Variants in ANKS1B observed in about 807,000 individuals in gnomAD.
ANKS1B encodes the protein ankyrin repeat and sterile alpha motif domain containing 1B.
Under a neutral mutation model 148.3 loss-of-function variants are expected in ANKS1B, and 36 were observed. That is an observed-to-expected ratio of 0.24 (90% CI 0.19 to 0.32). The LOEUF is 0.32. Among genes scored for constraint, ANKS1B ranks in the 10% least tolerant of loss-of-function variants. ANKS1B has a pLI of 1.00. For missense variants in ANKS1B, 1,157 were observed against 1,542.6 expected (o/e 0.75, Z 4.19); for synonymous variants, 542 against 560.8 (o/e 0.97, Z 0.47).
At chr12:99,033,728 AAC>A (rs1476247093) in intron 17 of ANKS1B, among the ~76,000 whole-genome samples, 2 of 152,092 alleles carry the variant, frequency 1.3e-5, no homozygotes, top group African/African-American at 2.4e-5. Flanking sequence ...TGCGTGTGTG[AAC>A]ACACACACAC....
chr12:99,104,572 C>T (rs916300576), intron 15 of ANKS1B: 14 of 152,164 alleles, frequency 9.2e-5, no homozygotes, highest in African/African-American at 3.4e-4. Context: ...CAGAGCAAGA[C>T]AATGTGAATA....
intron 12 of ANKS1B, among the ~76,000 whole-genome samples, chr12:99,300,137 G>A (rs577053353): frequency 2.6e-5 from 4 of 152,118 alleles, no homozygotes; most frequent in East Asian, 1.9e-4. Context: ...AATTAATTAC[G>A]GGGATGACAA....
chr12:99,681,813 T>C (rs11109993), intron 8 of ANKS1B, among the ~76,000 whole-genome samples: 68,442 of 151,994 alleles, frequency 0.45, 16,184 homozygotes, highest in South Asian at 0.6. Flanking sequence ...CATTAGCTCA[T>C]CAGCAATGGA....
chr12:99,783,190 C>CAAAAAAAAAAAAAAAA (rs766608067), intron 4 of ANKS1B, among the ~76,000 whole-genome samples: 1 of 62,456 alleles, frequency 1.6e-5, no homozygotes. Flanking sequence ...GAATCCATCG[C>CAAAAAAAAAAAAAAAA]AAAAAAAAAA....
At chr12:99,907,256 T>C (rs1246995777) in intron 1 of ANKS1B, among the ~76,000 whole-genome samples, 2 of 152,124 alleles carry the variant, frequency 1.3e-5, no homozygotes, top group Admixed American at 1.3e-4. Flanking sequence ...CCCCCAGGCA[T>C]AAAATTTTCC....
chr12:99,070,106 T>C (rs1177636533), intron 16 of ANKS1B, among the ~76,000 whole-genome samples: 5 of 152,198 alleles, frequency 3.3e-5, no homozygotes, highest in Non-Finnish European at 4.4e-5. Context: ...TCTATTTAAG[T>C]GATTGCTATT....
intron 1 of ANKS1B, among the ~76,000 whole-genome samples, chr12:99,935,893 G>GATAACTGC (rs2094755393): frequency 1.3e-5 from 2 of 151,916 alleles, no homozygotes; most frequent in South Asian, 4.2e-4. Context: ...CCTGACACTG[G>GATAACTGC]ATAATTTATA....
chr12:99,471,844 T>C (rs1392500482), intron 10 of ANKS1B, among the ~76,000 whole-genome samples: 2 of 152,134 alleles, frequency 1.3e-5, no homozygotes, highest in Non-Finnish European at 2.9e-5. Context: ...AAAAAAATCA[T>C]TCTAATAAAA....
chr12:99,356,936 C>CTT (rs11406224), intron 12 of ANKS1B, among the ~76,000 whole-genome samples: 2,414 of 146,042 alleles, frequency 0.017, 40 homozygotes, highest in Middle Eastern at 0.039. Flanking sequence ...TTCTTCTAGA[C>CTT]TTTTTTTTTT....
chr12:99,832,631 C>G (rs941002945), intron 1 of ANKS1B, among the ~76,000 whole-genome samples: 1 of 151,240 alleles, frequency 6.6e-6, no homozygotes, highest in African/African-American at 2.4e-5. Context: ...GGCTGAGGCA[C>G]AAGAATCACT....
At chr12:99,467,922 T>G (rs79684447) in intron 10 of ANKS1B, among the ~76,000 whole-genome samples, 31,309 of 151,744 alleles carry the variant, frequency 0.21, 3,323 homozygotes, top group Middle Eastern at 0.25. Flanking sequence ...TTTCTTCACA[T>G]AATTGGAAAA....
chr12:99,718,638 G>T (rs1206284222), intron 8 of ANKS1B, among the ~76,000 whole-genome samples: 4 of 152,204 alleles, frequency 2.6e-5, no homozygotes, highest in Admixed American at 6.5e-5. Context: ...TTCAGGATCT[G>T]CGCCTTATCA....
Position 99,693,068 on chromosome 12 carries a change from G to A in ANKS1B, c.1129-37858C>T, listed in dbSNP as rs183255205. 1.4e-4 allele frequency among the ~76,000 whole-genome samples: 22 copies of A among 152,256 alleles called. No individual in the cohort carries two copies. The East Asian group carries it at 3.7e-3, about 25-fold the overall frequency. On this transcript the variant is annotated intron_variant, in intron 8 of 26. Transcript: ENST00000683438. ...GGAAAATACAACTGACATATTTGAG[G>A]TACAGCAGAGGAAGAGGAGTTTGCA...
At chr12:99,593,624 C>T (rs1407956911) in intron 9 of ANKS1B, among the ~76,000 whole-genome samples, 1 of 152,036 alleles carries the variant, frequency 6.6e-6, no homozygotes, top group East Asian at 1.9e-4. Context: ...TTAAAACAAT[C>T]GAAGCGATAA....
At chr12:98,920,377 A>C (rs2099799884) in intron 17 of ANKS1B, among the ~76,000 whole-genome samples, 1 of 152,214 alleles carries the variant, frequency 6.6e-6, no homozygotes, top group African/African-American at 2.4e-5. Flanking sequence ...GCTGCTGATA[A>C]AGACATACCT....
chr12:99,643,984 G>A (rs1400666777), intron 9 of ANKS1B, among the ~76,000 whole-genome samples: 3 of 152,156 alleles, frequency 2.0e-5, no homozygotes, highest in Admixed American at 1.3e-4. Flanking sequence ...TGGATAGATT[G>A]AGAATGTTCC....
chr12:99,311,606 A>AT (rs1339586595), intron 12 of ANKS1B, among the ~76,000 whole-genome samples: 1 of 152,168 alleles, frequency 6.6e-6, no homozygotes, highest in Non-Finnish European at 1.5e-5. Context: ...GGTAGGTGGA[A>AT]TATAATTACC....
intron 12 of ANKS1B, among the ~76,000 whole-genome samples, chr12:99,345,426 A>C (rs1328916844): frequency 1.3e-5 from 2 of 152,036 alleles, no homozygotes; most frequent in African/African-American, 4.8e-5. Flanking sequence ...GAAGAATGGA[A>C]AGTGACGTTA....
chr12:99,695,093 C>A (rs1042650505), intron 8 of ANKS1B, among the ~76,000 whole-genome samples: 11 of 152,138 alleles, frequency 7.2e-5, no homozygotes, highest in African/African-American at 2.7e-4. Context: ...AATAGTGCTT[C>A]TGTGCTTAAC....
Sources: gnomAD v4.1 joint callset for allele counts (sites outside exome capture counted in the v4.1 genomes callset) on GRCh38, gnomAD v4.1.1 for gene constraint, MANE v1.5 for transcripts, NCBI Gene and HGNC (gene_info 2026-07-23, HGNC 2026-07-21) for gene names.